Variants in GAK observed in about 807,000 individuals in gnomAD.
GAK encodes cyclin G associated kinase.
GAK carries 79 observed loss-of-function variants against 143.9 expected under a neutral mutation model. That is an observed-to-expected ratio of 0.55 (90% CI 0.46 to 0.66). The LOEUF (loss-of-function observed/expected upper bound fraction) is 0.66, where lower values mean the gene tolerates loss of function less well. Ranked by LOEUF, GAK falls within the 30% of genes least tolerant of loss-of-function variation. The pLI is 0.00. For synonymous variants in GAK, 881 were observed against 765.5 expected (o/e 1.15, Z -2.49); for missense variants, 1,693 against 1,779.7 (o/e 0.95, Z 0.88).
At chr4:900,244 C>T (rs1168614312) in intron 5 of GAK, among the ~76,000 whole-genome samples, 3 of 152,278 alleles carry the variant, frequency 2.0e-5, no homozygotes, top group Middle Eastern at 3.4e-3. Context: ...CCAACAGAGA[C>T]GAAGCTGTGC....
intron 7 of GAK, 132 bp from the exon 8 acceptor site, chr4:894,141 CAGGGGTGA>C: frequency 9.3e-7 from 1 of 1,074,670 alleles, no homozygotes; most frequent in Non-Finnish European, 1.3e-6. Context: ...GTGGGGAGCG[CAGGGGTGA>C]CACTGGGGAC....
chr4:861,066 T>C (rs775099989), intron 23 of GAK, among the ~76,000 whole-genome samples: 3 of 152,176 alleles, frequency 2.0e-5, no homozygotes, highest in Non-Finnish European at 4.4e-5. Flanking sequence ...ACTGTGCCCA[T>C]AGAAGACGGC....
At chr4:850,642 G>GC in intron 26 of GAK, 2 of 70,528 alleles carry the variant, frequency 2.8e-5, no homozygotes, top group Non-Finnish European at 2.9e-5. Flanking sequence ...TGTAACGCCC[G>GC]CCCACCCCAC....
chr4:911,265 C>T (rs939102568), intron 4 of GAK, among the ~76,000 whole-genome samples: 27 of 152,070 alleles, frequency 1.8e-4, no homozygotes, highest in African/African-American at 6.0e-4. Context: ...CCACCCTGCT[C>T]AACACCGCTC....
intron 10 of GAK, 136 bp from the exon 11 acceptor site, chr4:889,106 G>C (rs1717142619): frequency 2.6e-6 from 3 of 1,162,702 alleles, no homozygotes; most frequent in Non-Finnish European, 3.5e-6. Context: ...CCAGGTGCAG[G>C]TTGCTGGCTG....
intron 1 of GAK, among the ~76,000 whole-genome samples, chr4:918,197 A>G (rs1422618342): frequency 6.6e-6 from 1 of 152,222 alleles, no homozygotes; most frequent in South Asian, 2.1e-4. Flanking sequence ...AAAATCAATC[A>G]CTGTAGTAAA....
rs1722265621 is a variant in GAK, at chr4:912,765, G to A, written c.237C>T (p.Asn79=). The A allele has an allele frequency of 6.2e-7, 1 of 1,613,886 alleles. No individual in the cohort carries two copies. Among genetic ancestry groups the A allele is most frequent in the East Asian group, 2.2e-5 (1 of 44,876 alleles). Residue 79 remains asparagine (N), a synonymous_variant, in exon 3 of 28, where the codon AAC becomes AAT. Coordinates refer to ENST00000314167, the MANE Select transcript of GAK (RefSeq NM_005255.4). ...KRLLSNEEEK[N]RAIIQEVCFM... Reference sequence around the variant, plus strand: ...AGCAAACTTCTTGAATGATGGCTCTGTTCTTTTCCTCTTCATTGGATAATA... The same window carrying A: ...AGCAAACTTCTTGAATGATGGCTCTATTCTTTTCCTCTTCATTGGATAATA...
chr4:870,673 C>T, intron 19 of GAK, 38 bp downstream of exon 19: 1 of 1,601,650 alleles, frequency 6.2e-7, no homozygotes, highest in Middle Eastern at 2.0e-4. Context: ...AGACACTCAC[C>T]AGAACAGGGT....
At chr4:928,927 C>T (rs948308638) in intron 1 of GAK, among the ~76,000 whole-genome samples, 1 of 152,138 alleles carries the variant, frequency 6.6e-6, no homozygotes, top group African/African-American at 2.4e-5. Flanking sequence ...CCACACCCGG[C>T]TAATTTTGTA....
chr4:912,434 G>A, intron 3 of GAK: 1 of 401,478 alleles, frequency 2.5e-6, no homozygotes, highest in Non-Finnish European at 4.7e-6. Context: ...GCCGGGCCGG[G>A]CAAGGGCCCC....
At chr4:861,129 C>CTCGCTCCT (rs1393051358) in intron 23 of GAK, among the ~76,000 whole-genome samples, 2 of 152,202 alleles carry the variant, frequency 1.3e-5, no homozygotes, top group African/African-American at 4.8e-5. Context: ...CACTCCCCGT[C>CTCGCTCCT]TCGCTCCTTC....
chr4:856,704 TTGCTCACCACCACAGC>T (rs1254184239), intron 24 of GAK, among the ~76,000 whole-genome samples: 13 of 89,744 alleles, frequency 1.4e-4, no homozygotes, highest in African/African-American at 5.8e-4. Flanking sequence ...CTGCCCACAT[TTGCTCACCACCACAGC>T]TGCTCACCAC....
chr4:907,883 GCGT>G, intron 4 of GAK, among the ~76,000 whole-genome samples: 1 of 152,194 alleles, frequency 6.6e-6, no homozygotes, highest in Non-Finnish European at 1.5e-5. Context: ...GCGCGCGCAT[GCGT>G]TAGTCTGCCT....
At chr4:918,952 G>A (rs1156264542) in intron 1 of GAK, among the ~76,000 whole-genome samples, 2 of 84,770 alleles carry the variant, frequency 2.4e-5, no homozygotes, top group African/African-American at 7.7e-5. Flanking sequence ...ACCTTAGAAA[G>A]ACAGAAGGCT....
chr4:894,046 G>C, intron 7 of GAK, 37 bp from the exon 8 acceptor site: 1 of 1,526,204 alleles, frequency 6.6e-7, no homozygotes, highest in Non-Finnish European at 8.8e-7. Context: ...AGGCCCACGG[G>C]GAGCGCAGGG....
At chr4:877,880 C>T (rs1050308679) in intron 15 of GAK, 71 bp from the exon 16 acceptor site, 19 of 1,385,116 alleles carry the variant, frequency 1.4e-5, no homozygotes, top group African/African-American at 2.9e-5. Flanking sequence ...TTTTGTCTTT[C>T]GAATAGAAGT....
intron 8 of GAK, 32 bp downstream of exon 8, chr4:893,842 C>A: frequency 6.4e-7 from 1 of 1,552,844 alleles, no homozygotes; most frequent in Non-Finnish European, 8.7e-7. Flanking sequence ...CTCCAGGGTC[C>A]TGCCCCACGC....
At chr4:888,803 A>G (rs1264872300) in intron 11 of GAK, 44 bp downstream of exon 11, 1 of 1,573,168 alleles carries the variant, frequency 6.4e-7, no homozygotes, top group African/African-American at 1.3e-5. Flanking sequence ...TGCAGCCTGG[A>G]ACGAGCGTGC....
chr4:910,801 G>A (rs1721919538), intron 4 of GAK, among the ~76,000 whole-genome samples: 1 of 152,000 alleles, frequency 6.6e-6, no homozygotes, highest in East Asian at 1.9e-4. Context: ...CACCGGCCAG[G>A]CCACAGCTCT....
Sources: gnomAD v4.1 joint callset for allele counts (sites outside exome capture counted in the v4.1 genomes callset) on GRCh38, gnomAD v4.1.1 for gene constraint, MANE v1.5 for transcripts, NCBI Gene and HGNC (gene_info 2026-07-23, HGNC 2026-07-21) for gene names.